TOX2: variants seen among roughly 807,000 people sequenced by gnomAD.
TOX2 encodes the protein granulosa cell HMG box 1.
In TOX2, 15 loss-of-function variants were observed where a neutral mutation model predicts 47.4. The ratio of observed to expected loss-of-function variants is 0.32; its 90% CI spans 0.21 to 0.49. The LOEUF (loss-of-function observed/expected upper bound fraction) is 0.49, where lower values mean the gene tolerates loss of function less well. TOX2 is among the 20% of genes least tolerant of loss of function. The probability of loss-of-function intolerance (pLI) is 0.99; values close to 1 mark genes in which losing one functional copy is unlikely to be tolerated. For synonymous variants in TOX2, 290 were observed against 296.6 expected (o/e 0.98, Z 0.23); for missense variants, 622 against 673.1 (o/e 0.92, Z 0.84).
intron 1 of TOX2, among the ~76,000 whole-genome samples, chr20:43,930,303 G>A (rs541304869): frequency 1.3e-5 from 2 of 152,166 alleles, no homozygotes; most frequent in Non-Finnish European, 2.9e-5. Context: ...ATATGTTGTT[G>A]CCAGGAGGAT....
chr20:43,981,998 A>C (rs568503367), intron 2 of TOX2, among the ~76,000 whole-genome samples: 2 of 150,872 alleles, frequency 1.3e-5, no homozygotes, highest in African/African-American at 4.9e-5. Flanking sequence ...AAGTGTCAGG[A>C]GAGAGGGTGA....
chr20:43,946,714 A>C (rs74550936), intron 1 of TOX2, among the ~76,000 whole-genome samples: 118 of 152,364 alleles, frequency 7.7e-4, no homozygotes, highest in Non-Finnish European at 1.4e-3. Flanking sequence ...AAGGGGACAC[A>C]CATGCCCTTA....
chr20:44,028,723 C>A (rs2071103273), intron 3 of TOX2, among the ~76,000 whole-genome samples: 1 of 152,174 alleles, frequency 6.6e-6, no homozygotes, highest in African/African-American at 2.4e-5. Flanking sequence ...TCTCTGATGC[C>A]CCCTCCCAGT....
At chr20:44,059,768 C>T (rs2071683697) in intron 5 of TOX2, among the ~76,000 whole-genome samples, 1 of 152,130 alleles carries the variant, frequency 6.6e-6, no homozygotes, top group Non-Finnish European at 1.5e-5. Context: ...AATCTTGAAA[C>T]AAATTTTTGA....
At chr20:44,012,697 A>G (rs2070798346) in intron 3 of TOX2, among the ~76,000 whole-genome samples, 1 of 152,184 alleles carries the variant, frequency 6.6e-6, no homozygotes, top group African/African-American at 2.4e-5. Context: ...TGGTGAACTC[A>G]CAAATAGGAA....
chr20:43,937,434 T>C (rs2069340462), intron 1 of TOX2, among the ~76,000 whole-genome samples: 1 of 150,552 alleles, frequency 6.6e-6, no homozygotes. Context: ...TTGGGAAGGG[T>C]GTTGTGGGCA....
chr20:44,060,643 C>A (rs1307760663), intron 5 of TOX2, among the ~76,000 whole-genome samples: 1 of 152,026 alleles, frequency 6.6e-6, no homozygotes, highest in Non-Finnish European at 1.5e-5. Context: ...AGTTAAATAA[C>A]CTGCTCCTGA....
At chr20:43,949,133 C>T (rs1297259305) in intron 1 of TOX2, among the ~76,000 whole-genome samples, 7 of 152,200 alleles carry the variant, frequency 4.6e-5, no homozygotes, top group Non-Finnish European at 1.0e-4. Flanking sequence ...TCAAAATGCC[C>T]CTTCTACTTT....
At chr20:44,031,362 G>A (rs2071148328) in intron 3 of TOX2, among the ~76,000 whole-genome samples, 1 of 152,234 alleles carries the variant, frequency 6.6e-6, no homozygotes, top group Non-Finnish European at 1.5e-5. Flanking sequence ...TGGAAGGGGT[G>A]AGATACTTGT....
At chr20:44,018,293 C>T (rs957670001) in intron 3 of TOX2, among the ~76,000 whole-genome samples, 11 of 152,150 alleles carry the variant, frequency 7.2e-5, no homozygotes, top group African/African-American at 2.4e-4. Context: ...TCAGAGCACT[C>T]GAGGCTGAGT....
intron 2 of TOX2, among the ~76,000 whole-genome samples, chr20:43,974,304 C>G (rs1011655683): frequency 2.0e-5 from 3 of 152,004 alleles, no homozygotes; most frequent in African/African-American, 4.8e-5. Flanking sequence ...GCTGGGGCCC[C>G]AGGGAGGGTC....
chr20:43,927,630 T>TCCCTTCCCTTCC lies in TOX2; in HGVS notation c.99+12642_99+12643insCTTCCCTTCCCC, dbSNP rs1569003481. Among the ~76,000 whole-genome samples, 265 of 127,142 alleles carry TCCCTTCCCTTCC rather than the reference T, an allele frequency of 2.1e-3. 13 individuals are homozygous for TCCCTTCCCTTCC. The highest frequency in any genetic ancestry group is 7.7e-3 in the African/African-American group (251 of 32,512). 83.4% of individuals were successfully genotyped at this position (127,142 alleles called of 152,430 possible). ...CTTCCTTCCTTCCTTCCTTCCTCCT[T>TCCCTTCCCTTCC]CCTTCCTTCCTCCCCTTCCCTTCCC... On this transcript the variant is annotated intron_variant, in intron 1 of 8. Transcript: ENST00000341197.
chr20:43,946,866 A>C (rs2069481815), intron 1 of TOX2, among the ~76,000 whole-genome samples: 1 of 152,182 alleles, frequency 6.6e-6, no homozygotes, highest in African/African-American at 2.4e-5. Flanking sequence ...CCAGCAGACC[A>C]GGAGACCCGA....
intron 2 of TOX2, among the ~76,000 whole-genome samples, chr20:44,000,643 G>C (rs948994776): frequency 1.3e-5 from 2 of 152,136 alleles, no homozygotes; most frequent in Non-Finnish European, 2.9e-5. Flanking sequence ...AATGCCATGA[G>C]TCTGGATGAG....
intron 1 of TOX2, among the ~76,000 whole-genome samples, chr20:43,924,849 C>T (rs1343219287): frequency 8.5e-5 from 13 of 152,226 alleles, no homozygotes; most frequent in Non-Finnish European, 1.8e-4. Context: ...AGTGAAGTCC[C>T]TCTCACTCTC....
chr20:44,003,151 G>A (rs1054400008), intron 2 of TOX2, among the ~76,000 whole-genome samples: 2 of 151,406 alleles, frequency 1.3e-5, no homozygotes, highest in Non-Finnish European at 2.9e-5. Context: ...CATGTTTATG[G>A]TGTCCACCCC....
chr20:43,934,425 A>T (rs1410248303), intron 1 of TOX2, among the ~76,000 whole-genome samples: 3 of 152,128 alleles, frequency 2.0e-5, no homozygotes, highest in Non-Finnish European at 4.4e-5. Context: ...GAGGCTTGAG[A>T]GGTGAGGGCA....
chr20:44,043,171 CCT>C (rs2071360672), intron 3 of TOX2, among the ~76,000 whole-genome samples: 1 of 152,036 alleles, frequency 6.6e-6, no homozygotes. Flanking sequence ...TGAGGCTGAC[CCT>C]GTTTCAGACA....
chr20:43,936,592 G>C (rs1402261835), intron 1 of TOX2, among the ~76,000 whole-genome samples: 2 of 152,080 alleles, frequency 1.3e-5, no homozygotes, highest in Non-Finnish European at 2.9e-5. Context: ...CTGCTGGCTG[G>C]GGGCTGGCTG....
Sources: allele counts gnomAD v4.1 joint callset (sites outside exome capture counted in the v4.1 genomes callset), GRCh38; gene constraint gnomAD v4.1.1; transcripts MANE v1.5; gene names NCBI Gene and HGNC (gene_info 2026-07-23, HGNC 2026-07-21).